Variants in ATP2B2 observed in about 807,000 individuals in gnomAD.
ATP2B2 encodes plasma membrane calcium-transporting ATPase 2.
In ATP2B2, 15 loss-of-function variants were observed where a neutral mutation model predicts 120.0. The ratio of observed to expected loss-of-function variants is 0.12; its 90% confidence interval spans 0.08 to 0.19. ATP2B2 has a LOEUF of 0.19. Among genes scored for constraint, ATP2B2 ranks in the 10% least tolerant of loss-of-function variants. The pLI, the probability that ATP2B2 is intolerant of heterozygous loss-of-function variation, is 1.00. For synonymous variants in ATP2B2, 694 were observed against 700.3 expected, an observed-to-expected ratio of 0.99 and a Z score of 0.14; for missense variants, 1,045 against 1,719.8, an observed-to-expected ratio of 0.61 and a Z score of 6.94.
chr3:10,504,987 CCT>C (rs780602293), intron 1 of ATP2B2, among the ~76,000 whole-genome samples: 61 of 152,326 alleles, frequency 4.0e-4, no homozygotes, highest in Middle Eastern at 6.8e-3. Flanking sequence ...CCTCCTCCTG[CCT>C]CTTTCCTGGG....
chr3:10,587,824 C>T (rs547434386), intron 2 of ATP2B2, among the ~76,000 whole-genome samples: 199 of 152,182 alleles, frequency 1.3e-3, no homozygotes, highest in Admixed American at 6.3e-3. Context: ...TGGCAAATAG[C>T]CAGAGATCAA....
intron 11 of ATP2B2, 93 bp from the exon 12 acceptor site, chr3:10,372,144 A>C (rs1373194715): frequency 1.3e-6 from 2 of 1,558,214 alleles, no homozygotes; most frequent in Non-Finnish European, 1.8e-6. Context: ...GCAGTAAATA[A>C]GGCAGAGCCA....
Position 10,340,154 on chromosome 3 carries a change from C to T in ATP2B2, c.3237+88G>A, listed in dbSNP as rs547837058. The T allele has an allele frequency of 4.6e-6, 6 of 1,316,608 alleles. No homozygotes were observed. In the African/African-American group the frequency reaches 5.8e-5, roughly 13 times the overall value. The allele number at this position is 1,316,608 out of a possible 1,614,324, so 81.6% of individuals were successfully genotyped here. ...GAGGAGCTTGCCTGGGGTCTGGCAG[C>T]CCATTCCTGGGGGTCCTGGATTCTC... is the stretch of plus-strand genomic sequence containing the variant. On this transcript the variant is annotated intron_variant, in intron 21 of 22. Coordinates refer to ENST00000360273, the MANE Select transcript of ATP2B2 (RefSeq NM_001001331.4). This position sits in a 1 kb window ranked among gnomAD's most constrained non-coding sequence, Gnocchi z 5.0.
chr3:10,597,464 G>A (rs1307570840), intron 2 of ATP2B2, among the ~76,000 whole-genome samples: 1 of 152,178 alleles, frequency 6.6e-6, no homozygotes, highest in African/African-American at 2.4e-5. Flanking sequence ...GGCATGGCAG[G>A]GAAGTTAGGA....
chr3:10,620,535 C>T (rs1415570082), intron 1 of ATP2B2, among the ~76,000 whole-genome samples: 1 of 152,126 alleles, frequency 6.6e-6, no homozygotes, highest in Non-Finnish European at 1.5e-5. Flanking sequence ...GACGGTGCAG[C>T]TCCCGGGAGA....
At chr3:10,350,865 A>C (rs2060560220) in intron 14 of ATP2B2, among the ~76,000 whole-genome samples, 1 of 152,222 alleles carries the variant, frequency 6.6e-6, no homozygotes, top group Admixed American at 6.5e-5. Flanking sequence ...ATCCTGAGAC[A>C]GAACCATTGG....
intron 12 of ATP2B2, among the ~76,000 whole-genome samples, chr3:10,361,279 C>A (rs113365500): frequency 0.017 from 2,597 of 152,304 alleles, 59 homozygotes; most frequent in African/African-American, 0.059. Context: ...TGGCCTCCCA[C>A]AGTGCTGGGA....
chr3:10,390,628 C>T (rs1192483761), intron 5 of ATP2B2, among the ~76,000 whole-genome samples: 2 of 152,140 alleles, frequency 1.3e-5, no homozygotes, highest in East Asian at 3.8e-4. Context: ...CACGTAAATG[C>T]CAGCCTCTCC....
intron 19 of ATP2B2, among the ~76,000 whole-genome samples, chr3:10,341,638 G>C (rs1002061164): frequency 4.6e-5 from 7 of 152,146 alleles, no homozygotes; most frequent in Non-Finnish European, 8.8e-5. Flanking sequence ...GCACAGCTGA[G>C]TAAAGTGGTG....
chr3:10,484,079 C>CTGTG (rs1390113277), intron 1 of ATP2B2, among the ~76,000 whole-genome samples: 1 of 152,214 alleles, frequency 6.6e-6, no homozygotes, highest in Non-Finnish European at 1.5e-5. Flanking sequence ...TCCATCTCTG[C>CTGTG]TGTGACAGGC....
intron 1 of ATP2B2, among the ~76,000 whole-genome samples, chr3:10,625,329 G>A (rs548271001): frequency 7.9e-5 from 12 of 152,260 alleles, no homozygotes; most frequent in African/African-American, 2.4e-4. Flanking sequence ...TGGGCTTCGG[G>A]GGCCTGGGTC....
intron 2 of ATP2B2, among the ~76,000 whole-genome samples, chr3:10,578,052 C>T (rs2068294905): frequency 6.6e-6 from 1 of 152,184 alleles, no homozygotes; most frequent in Non-Finnish European, 1.5e-5. Context: ...GATCTAGGCC[C>T]TAGATTCCAG....
chr3:10,658,897 C>T (rs1393154459), intron 1 of ATP2B2, among the ~76,000 whole-genome samples: 3 of 151,904 alleles, frequency 2.0e-5, no homozygotes, highest in Admixed American at 6.5e-5. Context: ...GCGGATCTCT[C>T]GGCAGAAACT....
intron 13 of ATP2B2, 113 bp from the exon 14 acceptor site, chr3:10,359,038 G>T: frequency 9.8e-7 from 1 of 1,022,888 alleles, no homozygotes; most frequent in Non-Finnish European, 1.4e-6. Context: ...GTCATCCAGT[G>T]CCCATCTAGT....
chr3:10,683,758 G>GTGTGTGTA lies in ATP2B2; in HGVS notation c.-460+24156_-460+24157insTACACACA, dbSNP rs1334250607. ...TATATGTGTATATATATGTGTGTGT[G>GTGTGTGTA]TGTATATATATATATATATATATAT... is the stretch of plus-strand genomic sequence containing the variant. On this transcript the variant is annotated intron_variant, in intron 1 of 21. Coordinates refer to the ATP2B2 transcript ENST00000646379. 2.1e-3 allele frequency among the ~76,000 whole-genome samples: 70 copies of GTGTGTGTA among 33,622 alleles called. 1 individual carries two copies. The highest frequency in any genetic ancestry group is 0.01 in the Middle Eastern group (1 of 98). 22.1% of individuals were successfully genotyped at this position (33,622 alleles called of 152,430 possible).
chr3:10,606,961 G>GGA (rs1288819291), intron 2 of ATP2B2, among the ~76,000 whole-genome samples: 1 of 91,294 alleles, frequency 1.1e-5, no homozygotes, highest in Admixed American at 1.3e-4. Flanking sequence ...GGGGAGGGGG[G>GGA]GAGAGAGAGA....
intron 1 of ATP2B2, among the ~76,000 whole-genome samples, chr3:10,645,197 T>C (rs1017925948): frequency 1.3e-4 from 20 of 152,192 alleles, no homozygotes; most frequent in Non-Finnish European, 2.6e-4. Context: ...TACATGGTTG[T>C]TCTCTGTAGT....
At chr3:10,353,386 T>A (rs2060629839) in intron 14 of ATP2B2, among the ~76,000 whole-genome samples, 1 of 152,194 alleles carries the variant, frequency 6.6e-6, no homozygotes, top group African/African-American at 2.4e-5. Context: ...GTTCCTGGCA[T>A]TGTGCCAGGG....
At chr3:10,478,601 A>T (rs182850372) in intron 1 of ATP2B2, among the ~76,000 whole-genome samples, 15 of 152,282 alleles carry the variant, frequency 9.9e-5, no homozygotes, top group African/African-American at 3.1e-4. Context: ...TTGCCACCAA[A>T]GGCCTCATCT....
Sources: allele counts gnomAD v4.1 joint callset (sites outside exome capture counted in the v4.1 genomes callset), GRCh38; gene constraint gnomAD v4.1.1; non-coding constraint Gnocchi (gnomAD v3.1); transcripts MANE v1.5; gene names NCBI Gene and HGNC (gene_info 2026-07-23, HGNC 2026-07-21).